Variants in PDE4D observed in about 807,000 individuals in gnomAD.
The protein encoded by PDE4D is 3',5'-cyclic-AMP phosphodiesterase 4D.
A neutral mutation model predicts 87.4 loss-of-function variants in PDE4D; 24 were observed. The observed-to-expected ratio is 0.27, with a 90% CI of 0.20 to 0.39. PDE4D has a LOEUF of 0.39. PDE4D is among the 10% of genes least tolerant of loss of function. The probability of loss-of-function intolerance (pLI) is 1.00; values close to 1 mark genes in which losing one functional copy is unlikely to be tolerated. For synonymous variants in PDE4D, 384 were observed against 383.2 expected (o/e 1.00, Z -0.02); for missense variants, 714 against 1,041.0 (o/e 0.69, Z 4.32).
intron 1 of PDE4D, among the ~76,000 whole-genome samples, chr5:59,219,256 A>G (rs1209962767): frequency 6.6e-6 from 1 of 152,106 alleles, no homozygotes; most frequent in Non-Finnish European, 1.5e-5. Context: ...TCCGTAACAA[A>G]TCACTGAGTA....
At chr5:60,018,377 G>A (rs1374009181) in intron 2 of PDE4D, among the ~76,000 whole-genome samples, 1 of 152,012 alleles carries the variant, frequency 6.6e-6, no homozygotes, top group African/African-American at 2.4e-5. Context: ...ACAAACCACT[G>A]CAAAACCATA....
chr5:59,531,936 T>C (rs1814307622), intron 1 of PDE4D, among the ~76,000 whole-genome samples: 1 of 152,218 alleles, frequency 6.6e-6, no homozygotes, highest in African/African-American at 2.4e-5. Flanking sequence ...TTCATTGGAA[T>C]GTAAGCTCCA....
At chr5:60,466,511 T>C (rs1237447679) in intron 1 of PDE4D, among the ~76,000 whole-genome samples, 2 of 152,206 alleles carry the variant, frequency 1.3e-5, no homozygotes, top group Non-Finnish European at 2.9e-5. Flanking sequence ...TTCAAGACAA[T>C]GTTTAAAAAT....
In PDE4D at chr5:60,241,271, C is replaced by T. The variant is rs1402836067; in HGVS notation, c.-89-55584G>A. 1.0e-4 allele frequency among the ~76,000 whole-genome samples: 10 copies of T among 96,980 alleles called. No individual in the cohort carries two copies. The East Asian group carries it at 1.3e-3, about 13-fold the overall frequency. The allele number at this position is 96,980 out of a possible 152,430, so 63.6% of individuals were successfully genotyped here. A position where few individuals can be genotyped will look rare whatever the true frequency, so the allele number is the denominator to read the frequency against. ...CATCAGAGTCTCTCTCTCTCTCTCT[C>T]TTTTTTTTTTTTTTTTTTTTCAGAT... On this transcript the variant is annotated intron_variant, in intron 1 of 16. Coordinates refer to the PDE4D transcript ENST00000502484.
At chr5:59,874,732 A>G (rs1168317316) in intron 1 of PDE4D, among the ~76,000 whole-genome samples, 1 of 152,202 alleles carries the variant, frequency 6.6e-6, no homozygotes, top group Non-Finnish European at 1.5e-5. Flanking sequence ...TCTCCCTTAC[A>G]TTCAATCATC....
chr5:59,398,706 A>G lies in PDE4D; in HGVS notation c.456-182738T>C, dbSNP rs1035829055. Among the ~76,000 whole-genome samples, 22 of 117,010 alleles carry G rather than the reference A, an allele frequency of 1.9e-4. 3 individuals carry two copies. Among genetic ancestry groups the G allele is most frequent in the African/African-American group, 7.4e-4 (21 of 28,224 alleles). 76.8% of individuals were successfully genotyped at this position (117,010 alleles called of 152,430 possible). A position where few individuals can be genotyped will look rare whatever the true frequency, so the allele number is the denominator to read the frequency against. On this transcript the variant is annotated intron_variant, in intron 1 of 14. Coordinates refer to ENST00000340635, the MANE Select transcript of PDE4D (RefSeq NM_001104631.2). ...TGCTCTCTCTCACCACTCCTATTTA[A>G]CATAGTGTTGGAAGTTCTGGCCAGG...
At chr5:59,601,193 C>G (rs1205860001) in intron 1 of PDE4D, among the ~76,000 whole-genome samples, 1 of 152,218 alleles carries the variant, frequency 6.6e-6, no homozygotes, top group East Asian at 1.9e-4. Context: ...GAATAATGAG[C>G]TAATTTGTAA....
intron 5 of PDE4D, among the ~76,000 whole-genome samples, chr5:59,128,358 T>C (rs1580952313): frequency 6.6e-6 from 1 of 152,150 alleles, no homozygotes; most frequent in Admixed American, 6.5e-5. Flanking sequence ...AGGAAAATAG[T>C]ATCACTAAGA....
chr5:59,197,024 T>A (rs1745601069), intron 2 of PDE4D, among the ~76,000 whole-genome samples: 1 of 152,052 alleles, frequency 6.6e-6, no homozygotes, highest in South Asian at 2.1e-4. Flanking sequence ...CAAGCTATAG[T>A]CTCTTCTTTC....
intron 1 of PDE4D, among the ~76,000 whole-genome samples, chr5:60,246,688 T>C (rs1375639740): frequency 6.6e-6 from 1 of 151,916 alleles, no homozygotes; most frequent in East Asian, 1.9e-4. Context: ...TTTTCAATAT[T>C]CATTTTTCAT....
intron 1 of PDE4D, among the ~76,000 whole-genome samples, chr5:60,199,803 AT>A (rs1422210209): frequency 6.6e-6 from 1 of 151,796 alleles, no homozygotes; most frequent in Non-Finnish European, 1.5e-5. Flanking sequence ...GTCACAACAT[AT>A]CATACCATAC....
intron 1 of PDE4D, among the ~76,000 whole-genome samples, chr5:59,418,660 T>G (rs116359438): frequency 3.3e-4 from 50 of 150,984 alleles, no homozygotes; most frequent in African/African-American, 1.2e-3. Flanking sequence ...TTTTTTTTTG[T>G]TTTTTTGAGA....
intron 1 of PDE4D, among the ~76,000 whole-genome samples, chr5:59,767,818 T>C (rs1489068973): frequency 6.6e-6 from 1 of 152,112 alleles, no homozygotes; most frequent in Non-Finnish European, 1.5e-5. Context: ...TCTGTCCAAG[T>C]GGGGATCATG....
intron 1 of PDE4D, among the ~76,000 whole-genome samples, chr5:59,353,386 T>G (rs938229989): frequency 2.0e-5 from 3 of 152,000 alleles, no homozygotes; most frequent in African/African-American, 7.3e-5. Context: ...GGTACTATGT[T>G]TAAACAACCA....
At chr5:58,990,777 A>C (rs570296127) in intron 9 of PDE4D, 27 bp downstream of exon 9, 4 of 1,205,300 alleles carry the variant, frequency 3.3e-6, no homozygotes, top group Non-Finnish European at 4.8e-6. Flanking sequence ...TAAATAAAAT[A>C]AATGTAATAG....
intron 1 of PDE4D, among the ~76,000 whole-genome samples, chr5:60,453,268 C>T (rs776699994): frequency 2.0e-5 from 3 of 152,010 alleles, no homozygotes; most frequent in Non-Finnish European, 2.9e-5. Context: ...ATTGTGTAGT[C>T]GCAAACCTGG....
At chr5:59,651,309 C>A (rs547458654) in intron 1 of PDE4D, among the ~76,000 whole-genome samples, 3 of 146,880 alleles carry the variant, frequency 2.0e-5, no homozygotes, top group Non-Finnish European at 4.5e-5. Context: ...ATAATAATTG[C>A]TAAATGAGAG....
At chr5:60,176,728 T>C (rs921406927) in intron 2 of PDE4D, among the ~76,000 whole-genome samples, 3 of 152,174 alleles carry the variant, frequency 2.0e-5, no homozygotes, top group South Asian at 2.1e-4. Flanking sequence ...TGAGGAAAGA[T>C]TGCTCTTTTA....
chr5:59,949,251 G>A (rs1324256741), intron 3 of PDE4D, among the ~76,000 whole-genome samples: 1 of 152,102 alleles, frequency 6.6e-6, no homozygotes, highest in Non-Finnish European at 1.5e-5. Context: ...CTATCACGGT[G>A]AAACCCCGTC....
Sources: allele counts gnomAD v4.1 joint callset (sites outside exome capture counted in the v4.1 genomes callset), GRCh38; gene constraint gnomAD v4.1.1; transcripts MANE v1.5; gene names NCBI Gene and HGNC (gene_info 2026-07-23, HGNC 2026-07-21).